The following TBX18 variants were observed in gnomAD, a reference collection of about 807,000 sequenced individuals.
TBX18 encodes T-box transcription factor TBX18.
TBX18 carries 21 observed loss-of-function variants against 55.0 expected under a neutral mutation model. That is an observed-to-expected ratio of 0.38 (90% CI 0.27 to 0.55). The LOEUF (loss-of-function observed/expected upper bound fraction) is 0.55. Ranked by LOEUF, TBX18 falls within the 20% of genes least tolerant of loss-of-function variation. TBX18 has a pLI of 0.73. For missense variants in TBX18, 840 were observed against 799.6 expected (o/e 1.05, Z -0.61); for synonymous variants, 342 against 326.1 (o/e 1.05, Z -0.53).
chr6:84,756,442 C>A (rs1767488398), intron 4 of TBX18, among the ~76,000 whole-genome samples: 1 of 152,182 alleles, frequency 6.6e-6, no homozygotes, highest in African/African-American at 2.4e-5. Context: ...TTTTGCCTAA[C>A]AACATCTCTG....
intron 6 of TBX18, chr6:84,742,032 G>A (rs1767060424): frequency 6.6e-6 from 1 of 152,270 alleles, no homozygotes; most frequent in South Asian, 2.1e-4. Flanking sequence ...AAAGTGAGAA[G>A]TATTAGTAAA....
At position 84,764,321 on chromosome 6, in the gene TBX18, A is replaced by C. The variant is rs1767757891; in HGVS notation, c.-140T>G. ...GCCCCCTTCCCCACCGCGGGCAAAA[A>C]ACAGATTTGGCGTTTCCGCTTTCTC... On this transcript the variant is annotated 5_prime_UTR_variant, in exon 1 of 8. Coordinates refer to ENST00000369663, the MANE Select transcript of TBX18 (RefSeq NM_001080508.3). The C allele has an allele frequency of 5.1e-6, 6 of 1,177,952 alleles. No individual in the cohort carries two copies. Among genetic ancestry groups the C allele is most frequent in the South Asian group, 2.1e-5 (1 of 47,574 alleles). The allele number at this position is 1,177,952 out of a possible 1,614,324, so 73.0% of individuals were successfully genotyped here.
At chr6:84,745,297 T>G (rs1365282814) in intron 5 of TBX18, among the ~76,000 whole-genome samples, 1 of 152,014 alleles carries the variant, frequency 6.6e-6, no homozygotes, top group African/African-American at 2.4e-5. Flanking sequence ...TCCCATCTGC[T>G]TATTACCAGA....
intron 6 of TBX18, among the ~76,000 whole-genome samples, chr6:84,743,414 A>G (rs2127873553): frequency 1.3e-5 from 2 of 152,336 alleles, no homozygotes; most frequent in Middle Eastern, 6.8e-3. Flanking sequence ...GGGGATTTTC[A>G]AGGAGTATTA....
At chr6:84,757,983 C>T (rs1234545422) in intron 3 of TBX18, among the ~76,000 whole-genome samples, 2 of 152,108 alleles carry the variant, frequency 1.3e-5, no homozygotes, top group Non-Finnish European at 2.9e-5. Context: ...ATTTTCAGAA[C>T]GTCTCTGATG....
At chr6:84,753,245 C>T (rs1012223229) in intron 4 of TBX18, among the ~76,000 whole-genome samples, 5 of 152,184 alleles carry the variant, frequency 3.3e-5, no homozygotes, top group Non-Finnish European at 5.9e-5. Context: ...TGAAAAGTCA[C>T]TTTTGGCAAA....
intron 1 of TBX18, chr6:84,763,283 C>T (rs1767707972): frequency 4.7e-6 from 2 of 425,784 alleles, no homozygotes; most frequent in African/African-American, 2.0e-5. Flanking sequence ...TTCTAGAAGG[C>T]TCTTCAGACC....
At chr6:84,756,958 G>C in intron 3 of TBX18, 89 bp from the exon 4 acceptor site, 1 of 1,261,050 alleles carries the variant, frequency 7.9e-7, no homozygotes, top group Non-Finnish European at 1.1e-6. Context: ...TGCCTATTTT[G>C]TTTCAGTTTT....
intron 7 of TBX18, 148 bp from the exon 8 acceptor site, chr6:84,737,557 A>G (rs907823488): frequency 1.1e-6 from 1 of 889,834 alleles, no homozygotes; most frequent in African/African-American, 1.7e-5. Flanking sequence ...GCTTTCAAGG[A>G]ATTATCTGGT....
At position 84,736,254 on chromosome 6, in the gene TBX18, C is replaced by G. The variant is rs1370337301; in HGVS notation, c.*431G>C. The G allele has an allele frequency of 6.5e-6, 1 of 152,944 alleles. No homozygotes were observed. Among genetic ancestry groups the G allele is most frequent in the East Asian group, 1.9e-4 (1 of 5,218 alleles). The allele number at this position is 152,944 out of a possible 1,614,324, so 9.5% of individuals were successfully genotyped here. The stretch of plus-strand genomic sequence containing the variant: ...CAAGAATAACAGAAATCACAAGACT[C>G]TACATGCTGGTTACTGCTGGTTATC... On this transcript the variant is annotated 3_prime_UTR_variant, in exon 8 of 8. Transcript: ENST00000369663.
chr6:84,744,126 G>A (rs1416031660), intron 6 of TBX18, 135 bp downstream of exon 6: 13 of 788,486 alleles, frequency 1.6e-5, no homozygotes, highest in Non-Finnish European at 2.2e-5. Context: ...AGTTATCTCC[G>A]AGGCACAACA....
At position 84,734,724 on chromosome 6, in the gene TBX18, A is replaced by T. The variant is rs1773894408; in HGVS notation, c.*1961T>A. The T allele has an allele frequency of 6.6e-6, 1 of 152,574 alleles. No homozygotes were observed. Among genetic ancestry groups the T allele is most frequent in the Non-Finnish European group, 1.5e-5 (1 of 68,028 alleles). The allele number at this position is 152,574 out of a possible 1,614,324, so 9.5% of individuals were successfully genotyped here. On this transcript the variant is annotated 3_prime_UTR_variant, in exon 8 of 8. Transcript: ENST00000369663. Reference sequence around the variant, plus strand: ...CTCTTATTAATACATATGGGTATAGAGCATTACTTTCCATGTTTTTTCAAG... The same window carrying T: ...CTCTTATTAATACATATGGGTATAGTGCATTACTTTCCATGTTTTTTCAAG...
chr6:84,736,651 A>T lies in TBX18; in HGVS notation c.*34T>A. 1.3e-6 allele frequency: 2 copies of T among 1,494,460 alleles called. No homozygotes were observed. Among genetic ancestry groups the T allele is most frequent in the Non-Finnish European group, 1.8e-6 (2 of 1,123,200 alleles). The allele number at this position is 1,494,460 out of a possible 1,614,324, so 92.6% of individuals were successfully genotyped here. A position where few individuals can be genotyped will look rare whatever the true frequency, so the allele number is the denominator to read the frequency against. On this transcript the variant is annotated 3_prime_UTR_variant, in exon 8 of 8. Transcript: ENST00000369663. ...AAAAAAGAAAAAGAAAATATGTTAGACAGATCCAAATGTCATTTAACTTAA... is the reference window on the plus strand; with the variant it reads ...AAAAAAGAAAAAGAAAATATGTTAGTCAGATCCAAATGTCATTTAACTTAA...
At chr6:84,750,146 G>T (rs779229202) in intron 4 of TBX18, among the ~76,000 whole-genome samples, 1 of 152,004 alleles carries the variant, frequency 6.6e-6, no homozygotes, top group Non-Finnish European at 1.5e-5. Flanking sequence ...TTAGCTGGGC[G>T]TGGTGGCACA....
At position 84,754,164 on chromosome 6, in the gene TBX18, G is replaced by A. The variant is rs367656485; in HGVS notation, c.771+2534C>T. Among the ~76,000 whole-genome samples the A allele has an allele frequency of 1.1e-4, 17 of 152,254 alleles. 1 individual carries two copies. In the South Asian group the frequency reaches 3.1e-3, roughly 28 times the overall value. ...GCTGGTCTCAAACTCCTGACCTCAG[G>A]TGATCCACCTGCCTCGGCCTCCCAA... On this transcript the variant is annotated intron_variant, in intron 4 of 7. Coordinates refer to ENST00000369663, the MANE Select transcript of TBX18 (RefSeq NM_001080508.3).
chr6:84,762,891 A>G, intron 1 of TBX18, 143 bp from the exon 2 acceptor site: 1 of 738,290 alleles, frequency 1.4e-6, no homozygotes. Context: ...GTCCTCCTAA[A>G]GAACAAGCCA....
At chr6:84,738,459 C>T (rs369286984) in intron 7 of TBX18, 38 bp downstream of exon 7, 343 of 1,506,254 alleles carry the variant, frequency 2.3e-4, no homozygotes, top group Non-Finnish European at 3.0e-4. Flanking sequence ...TAGGCAGGAA[C>T]GGGCTGTATA....
intron 5 of TBX18, among the ~76,000 whole-genome samples, chr6:84,745,237 T>G (rs1203052043): frequency 6.6e-6 from 1 of 152,120 alleles, no homozygotes; most frequent in African/African-American, 2.4e-5. Flanking sequence ...TTATCTCCAT[T>G]AATAGTTTTT....
At position 84,734,723 on chromosome 6, in the gene TBX18, G is replaced by C. The variant is rs534396092; in HGVS notation, c.*1962C>G. 4 of 152,624 alleles carry C rather than the reference G, an allele frequency of 2.6e-5. No homozygotes were observed. The highest frequency in any genetic ancestry group is 9.6e-5 in the African/African-American group (4 of 41,552). 9.5% of individuals were successfully genotyped at this position (152,624 alleles called of 1,614,324 possible). ...GCTCTTATTAATACATATGGGTATA[G>C]AGCATTACTTTCCATGTTTTTTCAA... On this transcript the variant is annotated 3_prime_UTR_variant, in exon 8 of 8. Transcript: ENST00000369663.
Sources: allele counts gnomAD v4.1 joint callset (sites outside exome capture counted in the v4.1 genomes callset), GRCh38; gene constraint gnomAD v4.1.1; transcripts MANE v1.5; gene names NCBI Gene and HGNC (gene_info 2026-07-23, HGNC 2026-07-21).